GDA: variants seen among roughly 807,000 people sequenced by gnomAD.
GDA encodes the protein cytoplasmic PSD-95 interactor.
GDA carries 18 observed loss-of-function variants against 59.6 expected under a neutral mutation model. The ratio of observed to expected loss-of-function variants is 0.30; its 90% CI spans 0.21 to 0.45. The LOEUF (loss-of-function observed/expected upper bound fraction) is 0.45, where lower values mean the gene tolerates loss of function less well. Among genes scored for constraint, GDA ranks in the 20% least tolerant of loss-of-function variants. The pLI, the probability that GDA is intolerant of heterozygous loss-of-function variation, is 1.00. For missense variants in GDA, 427 were observed against 552.3 expected (o/e 0.77, Z 2.27); for synonymous variants, 201 against 201.1 (o/e 1.00, Z 0.00).
intron 1 of GDA, among the ~76,000 whole-genome samples, chr9:72,138,125 C>T (rs935539236): frequency 6.6e-6 from 1 of 152,092 alleles, no homozygotes; most frequent in Non-Finnish European, 1.5e-5. Flanking sequence ...GCTTCCCTAT[C>T]TTAGTGCACC....
intron 1 of GDA, among the ~76,000 whole-genome samples, chr9:72,171,565 A>AT (rs938345678): frequency 2.1e-4 from 31 of 149,142 alleles, no homozygotes; most frequent in East Asian, 5.9e-4. Context: ...TCCAGAAAAC[A>AT]TTTTTTTTTT....
At chr9:72,169,622 A>G (rs1416616487) in intron 1 of GDA, among the ~76,000 whole-genome samples, 1 of 152,214 alleles carries the variant, frequency 6.6e-6, no homozygotes, top group Non-Finnish European at 1.5e-5. Context: ...ACTGTGGACT[A>G]AATATCCTGG....
In GDA at chr9:72,149,671, G is replaced by T. The variant is rs751433221; in HGVS notation, c.112G>T (p.Asp38Tyr). 2 of 1,600,390 alleles carry T rather than the reference G, an allele frequency of 1.2e-6. No individual in the cohort carries two copies. The highest frequency in any genetic ancestry group is 1.1e-5 in the South Asian group (1 of 90,048). ...GCGGGATCACCTCCTCGGCGTGAGC[G>T]ACAGCGGCAAAGTAAGCAGGCGCGG... ...VLRDHLLGVS[D>Y]SGKIVFLEEA... Residue 38 changes from aspartate (D) to tyrosine (Y), a missense_variant, in exon 1 of 14, where the codon GAC becomes TAC. Transcript: ENST00000358399.
At chr9:72,255,024 A>G (rs1333793006), downstream of GDA, among the ~76,000 whole-genome samples, 1 of 152,226 alleles carries the variant, frequency 6.6e-6, no homozygotes, top group Non-Finnish European at 1.5e-5. Context: ...TGCAGAACAG[A>G]TGAGCCCTCA....
At chr9:72,215,494 T>C (rs1389927484) in intron 5 of GDA, among the ~76,000 whole-genome samples, 8 of 152,196 alleles carry the variant, frequency 5.3e-5, no homozygotes, top group Non-Finnish European at 1.0e-4. Context: ...CAGGCTAATA[T>C]AGGGATCTAG....
At chr9:72,160,025 C>T (rs770629608) in intron 1 of GDA, among the ~76,000 whole-genome samples, 1 of 151,982 alleles carries the variant, frequency 6.6e-6, no homozygotes, top group Non-Finnish European at 1.5e-5. Context: ...ATCAGCCGGG[C>T]GCGGTGGCTC....
intron 1 of GDA, among the ~76,000 whole-genome samples, chr9:72,128,758 T>C (rs1189772596): frequency 2.0e-5 from 3 of 152,206 alleles, no homozygotes; most frequent in Non-Finnish European, 4.4e-5. Context: ...TTGAGCCTGA[T>C]TCACTTTTCT....
At position 72,170,613 on chromosome 9, in the gene GDA, A is replaced by G. The variant is rs1829848320; in HGVS notation, c.123+20931A>G. ...GAGGCTTACTATTTCCTTACCAGCC[A>G]TTTCAAATATATGTCTCCTGATAAC... On this transcript the variant is annotated intron_variant, in intron 1 of 13. Coordinates refer to ENST00000358399, the MANE Select transcript of GDA (RefSeq NM_004293.5). Among the ~76,000 whole-genome samples the G allele has an allele frequency of 2.0e-5, 3 of 152,124 alleles. No homozygotes were observed. The South Asian group carries it at 6.2e-4, about 32-fold the overall frequency.
chr9:72,194,344 G>A lies in GDA; in HGVS notation c.124-1156G>A, dbSNP rs143934181. Among the ~76,000 whole-genome samples, 188 of 152,268 alleles carry A rather than the reference G, an allele frequency of 1.2e-3. 2 individuals are homozygous for A. In the East Asian group the frequency reaches 0.031, roughly 25 times the overall value. On this transcript the variant is annotated intron_variant, in intron 1 of 13. Coordinates refer to ENST00000358399, the MANE Select transcript of GDA (RefSeq NM_004293.5). The stretch of plus-strand genomic sequence containing the variant: ...GCAGGTGACGAATCCTACCAGGACT[G>A]AGTCTTTTCCTTCAAGGCATCAGGT...
At chr9:72,208,919 T>C (rs948002537) in intron 3 of GDA, among the ~76,000 whole-genome samples, 1 of 152,146 alleles carries the variant, frequency 6.6e-6, no homozygotes, top group African/African-American at 2.4e-5. Context: ...ACTTAGAAAA[T>C]AGAAACCTAT....
At chr9:72,135,631 T>C (rs1826194391) in intron 1 of GDA, among the ~76,000 whole-genome samples, 1 of 152,104 alleles carries the variant, frequency 6.6e-6, no homozygotes, top group Non-Finnish European at 1.5e-5. Context: ...CAAGCTCTTG[T>C]GACTTTAAGA....
chr9:72,142,762 AT>A (rs1826486092), intron 1 of GDA, among the ~76,000 whole-genome samples: 4 of 151,916 alleles, frequency 2.6e-5, no homozygotes, highest in Non-Finnish European at 5.9e-5. Flanking sequence ...AATACCTTTT[AT>A]TTTATTTATT....
chr9:72,213,732 G>A (rs552628980), intron 4 of GDA, among the ~76,000 whole-genome samples, 154 bp from the exon 5 acceptor site: 3 of 151,910 alleles, frequency 2.0e-5, no homozygotes, highest in African/African-American at 7.2e-5. Context: ...GAACCTGGGA[G>A]GCGGAGCTTG....
At chr9:72,116,330 A>G (rs1484585516) in intron 1 of GDA, among the ~76,000 whole-genome samples, 1 of 151,512 alleles carries the variant, frequency 6.6e-6, no homozygotes, top group Non-Finnish European at 1.5e-5. Flanking sequence ...TACAATGCCT[A>G]CTGACCACAT....
intron 1 of GDA, among the ~76,000 whole-genome samples, chr9:72,183,639 G>C (rs1288674027): frequency 1.3e-5 from 2 of 152,144 alleles, no homozygotes; most frequent in Non-Finnish European, 2.9e-5. Context: ...GCGTAATTTT[G>C]GGCAAGGTAC....
At chr9:72,154,426 T>C (rs1311039794) in intron 1 of GDA, among the ~76,000 whole-genome samples, 1 of 152,202 alleles carries the variant, frequency 6.6e-6, no homozygotes, top group Admixed American at 6.5e-5. Context: ...ATCCTTAACC[T>C]CTTGCTCACT....
At chr9:72,141,828 C>G (rs1377644139) in intron 1 of GDA, among the ~76,000 whole-genome samples, 1 of 152,106 alleles carries the variant, frequency 6.6e-6, no homozygotes, top group Non-Finnish European at 1.5e-5. Context: ...ATTTCATGCC[C>G]TAGGTCTCAG....
At position 72,221,633 on chromosome 9, in the gene GDA, T is replaced by C. The variant is rs1255163454; in HGVS notation, c.607-1487T>C. Among the ~76,000 whole-genome samples, 3 of 152,342 alleles carry C rather than the reference T, an allele frequency of 2.0e-5. No individual in the cohort carries two copies. The East Asian group carries it at 5.8e-4, about 29-fold the overall frequency. ...AGTAAATGTGTGTCATAGGGGTTTG[T>C]TGTGCAGATTATTTCATCACCCAGG... On this transcript the variant is annotated intron_variant, in intron 6 of 13. Coordinates refer to ENST00000358399, the MANE Select transcript of GDA (RefSeq NM_004293.5).
chr9:72,176,994 G>A (rs1042977052), intron 1 of GDA, among the ~76,000 whole-genome samples: 7 of 151,844 alleles, frequency 4.6e-5, no homozygotes, highest in Middle Eastern at 3.4e-3. Flanking sequence ...CTCACTTTGC[G>A]TAATAGTGGA....
Sources: gnomAD v4.1 joint callset for allele counts (sites outside exome capture counted in the v4.1 genomes callset) on GRCh38, gnomAD v4.1.1 for gene constraint, MANE v1.5 for transcripts, NCBI Gene and HGNC (gene_info 2026-07-23, HGNC 2026-07-21) for gene names.